Variants in VSIG4 observed in about 807,000 individuals in gnomAD.
VSIG4 encodes V-set and immunoglobulin domain-containing protein 4.
A neutral mutation model predicts 23.4 loss-of-function variants in VSIG4; 34 were observed. That is an observed-to-expected ratio of 1.45 (90% CI 1.10 to 1.93). VSIG4 has a LOEUF of 1.93. Ranked by LOEUF, VSIG4 falls within the 30% of genes most tolerant of loss-of-function variation. The pLI is 0.00. For missense variants in VSIG4, 433 were observed against 310.8 expected, an observed-to-expected ratio of 1.39 and a Z score of -2.96; for synonymous variants, 169 against 120.3, an observed-to-expected ratio of 1.41 and a Z score of -2.65.
In VSIG4 at chrX:66,022,599, T is replaced by C. The variant is rs979244950; in HGVS notation, c.963-99A>G. On this transcript the variant is annotated intron_variant, in intron 7 of 7. Coordinates refer to ENST00000374737, the MANE Select transcript of VSIG4 (RefSeq NM_007268.3). Reference sequence around the variant, plus strand: ...AATTCTTGCCAATTAATTATCAGGATCCTACCACCCAGGGATTCTGGAAGC... The same window carrying C: ...AATTCTTGCCAATTAATTATCAGGACCCTACCACCCAGGGATTCTGGAAGC... 10 of 1,152,502 alleles carry C rather than the reference T, an allele frequency of 8.7e-6. No homozygotes were observed. In the South Asian group the frequency reaches 2.1e-4, roughly 24 times the overall value. The allele number at this position is 1,152,502 out of a possible 1,213,427, so 95.0% of individuals were successfully genotyped here.
chrX:66,034,124 A>T (rs1250207443), intron 1 of VSIG4, among the ~76,000 whole-genome samples: 1 of 111,957 alleles, frequency 8.9e-6, no homozygotes, highest in African/African-American at 3.3e-5. Flanking sequence ...ACCGTGGAAG[A>T]TTCATTTACT....
At chrX:66,037,064 TATA>T (rs1367643455) in intron 1 of VSIG4, among the ~76,000 whole-genome samples, 1 of 39,156 alleles carries the variant, frequency 2.6e-5, no homozygotes, top group Non-Finnish European at 3.9e-5. Context: ...ATATATATTA[TATA>T]ATAATATAAT....
At chrX:66,022,811 T>C (rs765381460) in intron 7 of VSIG4, 30 bp downstream of exon 7, 2 of 1,209,002 alleles carry the variant, frequency 1.7e-6, no homozygotes, top group East Asian at 5.9e-5. Context: ...AGGGACGGGG[T>C]CAAAAATGGA....
rs2085335093 is a variant in VSIG4, at chrX:66,021,859, C to T, written c.*404G>A. 2 of 300,090 alleles carry T rather than the reference C, an allele frequency of 6.7e-6. No homozygotes were observed. The highest frequency in any genetic ancestry group is 4.9e-5 in the Admixed American group (1 of 20,265). The allele number at this position is 300,090 out of a possible 1,213,427, so 24.7% of individuals were successfully genotyped here. Reference sequence around the variant, plus strand: ...ACAATTTCAATTAAAAGCTGTCTGGCCCTGAAGAAAGAGAAATGATCCTGG... The same window carrying T: ...ACAATTTCAATTAAAAGCTGTCTGGTCCTGAAGAAAGAGAAATGATCCTGG... On this transcript the variant is annotated 3_prime_UTR_variant, in exon 8 of 8. Transcript: ENST00000374737.
Position 66,032,598 on chromosome X carries a change from G to T in VSIG4, c.564C>A (p.Ile188=), listed in dbSNP as rs1411461152. 2 of 1,211,652 alleles carry T rather than the reference G, an allele frequency of 1.7e-6. No individual in the cohort carries two copies. The highest frequency in any genetic ancestry group is 4.3e-5 in the Admixed American group (2 of 46,008). The part of the protein sequence containing the change: ...YKQQTNNQEP[I]KVATLSTLLF... ...GTAAGGTACTTAGGGTTGCTACTTTGATGGGTTCCTGGTTATTAGTCTGTT... is the reference window on the plus strand; with the variant it reads ...GTAAGGTACTTAGGGTTGCTACTTTTATGGGTTCCTGGTTATTAGTCTGTT... Residue 188 remains isoleucine (I), a synonymous_variant, in exon 3 of 8, where the codon ATC becomes ATA. Coordinates refer to ENST00000374737, the MANE Select transcript of VSIG4 (RefSeq NM_007268.3).
chrX:66,027,657 TATCAACCACTAGTACCATGAGATAAGGC>T, intron 4 of VSIG4, 131 bp from the exon 5 acceptor site: 1 of 511,452 alleles, frequency 2.0e-6, no homozygotes, highest in African/African-American at 2.3e-5. Context: ...CTGACCATGT[TATCAACCACTAGTACCATGAGATAAGGC>T]ATCTTCATTT....
intron 5 of VSIG4, among the ~76,000 whole-genome samples, chrX:66,026,476 C>A (rs1250629704): frequency 1.8e-5 from 2 of 112,030 alleles, no homozygotes; most frequent in Admixed American, 1.9e-4. Context: ...CCCTATGAGG[C>A]AATTTCTAAC....
At chrX:66,028,558 C>CT (rs34660062) in intron 3 of VSIG4, among the ~76,000 whole-genome samples, 1,012 of 74,214 alleles carry the variant, frequency 0.014, 12 homozygotes, top group Admixed American at 0.016. Flanking sequence ...ACGTAATCAA[C>CT]TTTTTTTTTT....
At chrX:66,033,428 T>A in intron 2 of VSIG4, 46 bp downstream of exon 2, 11 of 1,083,549 alleles carry the variant, frequency 1.0e-5, no homozygotes, top group Non-Finnish European at 1.4e-5. Context: ...ACATCCACTA[T>A]TGATTCATTG....
intron 1 of VSIG4, 56 bp downstream of exon 1, chrX:66,039,888 C>A: frequency 8.4e-7 from 1 of 1,188,564 alleles, no homozygotes; most frequent in Non-Finnish European, 1.1e-6. Context: ...AAACACCAAC[C>A]CTCTAGCCTT....
intron 3 of VSIG4, among the ~76,000 whole-genome samples, chrX:66,029,946 G>A (rs1190762119): frequency 9.0e-6 from 1 of 111,669 alleles, no homozygotes; most frequent in African/African-American, 3.3e-5. Context: ...GATATTTGAA[G>A]CCACAGAAGT....
intron 6 of VSIG4, among the ~76,000 whole-genome samples, chrX:66,024,495 C>T (rs962834839): frequency 8.9e-6 from 1 of 111,907 alleles, no homozygotes; most frequent in Non-Finnish European, 1.9e-5. Context: ...TGATGTAGTT[C>T]TCTCTTCCTG....
At chrX:66,037,708 CTGA>C (rs2085631844) in intron 1 of VSIG4, among the ~76,000 whole-genome samples, 1 of 89,821 alleles carries the variant, frequency 1.1e-5, no homozygotes, top group African/African-American at 4.0e-5. Flanking sequence ...ATACTTATTA[CTGA>C]TAAGTATATA....
At chrX:66,035,005 C>G (rs1377146799) in intron 1 of VSIG4, among the ~76,000 whole-genome samples, 5 of 110,837 alleles carry the variant, frequency 4.5e-5, no homozygotes, top group Non-Finnish European at 7.6e-5. Flanking sequence ...AGTATTCAGT[C>G]AAGCGGATGG....
At chrX:66,036,109 G>C (rs985167379) in intron 1 of VSIG4, among the ~76,000 whole-genome samples, 16 of 111,059 alleles carry the variant, frequency 1.4e-4, no homozygotes, top group African/African-American at 5.2e-4. Context: ...TTCCCAAAAT[G>C]GCATGTTTTT....
At chrX:66,034,759 T>G (rs2085515117) in intron 1 of VSIG4, among the ~76,000 whole-genome samples, 2 of 38,273 alleles carry the variant, frequency 5.2e-5, no homozygotes. Flanking sequence ...AAGGAAACCC[T>G]TGGGGATGGG....
intron 4 of VSIG4, 44 bp downstream of exon 4, chrX:66,028,006 C>A: frequency 5.2e-6 from 6 of 1,144,409 alleles, no homozygotes; most frequent in Non-Finnish European, 7.2e-6. Flanking sequence ...ACGATGACAC[C>A]ATTTTGAACC....
intron 4 of VSIG4, 40 bp from the exon 5 acceptor site, chrX:66,027,566 T>A (rs748923603): frequency 9.3e-7 from 1 of 1,076,296 alleles, no homozygotes; most frequent in Non-Finnish European, 1.3e-6. Context: ...GTCTCTCTTC[T>A]TTCAAAAAGT....
At chrX:66,038,512 T>A (rs2085647042) in intron 1 of VSIG4, among the ~76,000 whole-genome samples, 1 of 108,817 alleles carries the variant, frequency 9.2e-6, no homozygotes, top group Non-Finnish European at 1.9e-5. Flanking sequence ...CACACATGAA[T>A]GCACACACAC....
Sources: allele counts gnomAD v4.1 joint callset (sites outside exome capture counted in the v4.1 genomes callset), GRCh38; gene constraint gnomAD v4.1.1; transcripts MANE v1.5; gene names NCBI Gene and HGNC (gene_info 2026-07-23, HGNC 2026-07-21).